Variants in EPHA1 observed in about 807,000 individuals in gnomAD.
EPHA1 encodes the protein ephrin type-A receptor 1.
In EPHA1, 92 loss-of-function variants were observed where a neutral mutation model predicts 110.1. The ratio of observed to expected loss-of-function variants is 0.84; its 90% CI spans 0.71 to 0.99. EPHA1 has a LOEUF of 0.99. Among genes scored for constraint, EPHA1 ranks in the 50% least tolerant of loss-of-function variants. The pLI, the probability that EPHA1 is intolerant of heterozygous loss-of-function variation, is 0.00. For synonymous variants in EPHA1, 500 were observed against 516.1 expected (o/e 0.97, Z 0.42); for missense variants, 1,204 against 1,285.4 (o/e 0.94, Z 0.97).
Position 143,395,706 on chromosome 7 carries a change from C to T in EPHA1, c.1898-202G>A. On this transcript the variant is annotated intron_variant, in intron 11 of 17. Coordinates refer to ENST00000275815, the MANE Select transcript of EPHA1 (RefSeq NM_005232.5). This position sits in a 1 kb window ranked among gnomAD's most constrained non-coding sequence, Gnocchi z 4.7. ...GGAGTGCAATGCCGTGACCTATTCA[C>T]CACTGTCTCCCAGTGTTTGCACAGT... 3 of 604,372 alleles carry T rather than the reference C, an allele frequency of 5.0e-6. No homozygotes were observed. The highest frequency in any genetic ancestry group is 5.9e-5 in the Admixed American group (2 of 33,730). The allele number at this position is 604,372 out of a possible 1,614,324, so 37.4% of individuals were successfully genotyped here. A position where few individuals can be genotyped will look rare whatever the true frequency, so the allele number is the denominator to read the frequency against.
intron 3 of EPHA1, chr7:143,400,799 G>A (rs181650031): frequency 9.7e-4 from 154 of 158,358 alleles, no homozygotes; most frequent in Non-Finnish European, 6.1e-4. Flanking sequence ...TTTATGACTA[G>A]GCAACAAAAG....
Position 143,391,527 on chromosome 7 carries a change from G to A in EPHA1, c.2861C>T (p.Thr954Met), listed in dbSNP as rs748538824. ...CVLELTAEDL[T>M]QMGITLPGHQ... is the part of the protein sequence containing the mutation. Reference sequence around the variant, plus strand: ...CCCGGGCAGTGTGATTCCCATCTGCGTCAGGTCCCTGTGGGCAAGGAAGGG... The same window carrying A: ...CCCGGGCAGTGTGATTCCCATCTGCATCAGGTCCCTGTGGGCAAGGAAGGG... Residue 954 changes from threonine to methionine, a missense_variant, in exon 18 of 18, where the codon ACG becomes ATG. Transcript: ENST00000275815. The A allele has an allele frequency of 6.2e-6, 10 of 1,614,018 alleles. No individual in the cohort carries two copies. Among genetic ancestry groups the A allele is most frequent in the Non-Finnish European group, 7.6e-6 (9 of 1,180,028 alleles).
At chr7:143,391,963 G>A (rs1805100019) in intron 16 of EPHA1, among the ~76,000 whole-genome samples, 188 bp from the exon 17 acceptor site, 1 of 152,206 alleles carries the variant, frequency 6.6e-6, no homozygotes, top group South Asian at 2.1e-4. Context: ...TCACAACAGT[G>A]GACTGGCTGA....
intron 5 of EPHA1, 42 bp downstream of exon 5, chr7:143,399,216 G>T: frequency 2.5e-6 from 4 of 1,588,948 alleles, no homozygotes; most frequent in Middle Eastern, 4.7e-4. Context: ...CAAAGATCCA[G>T]CCCCTCCCTC....
Position 143,394,077 on chromosome 7 carries a change from A to C in EPHA1, c.2502+117T>G, listed in dbSNP as rs1018360577. ...GAACCAGAGGAGCCAGGAGTACAGA[A>C]AAACTGAAGGTCATGAATAAATAAA... On this transcript the variant is annotated intron_variant, in intron 15 of 17. Coordinates refer to ENST00000275815, the MANE Select transcript of EPHA1 (RefSeq NM_005232.5). The C allele has an allele frequency of 2.8e-6, 4 of 1,418,346 alleles. No homozygotes were observed. In the African/African-American group the frequency reaches 5.7e-5, roughly 20 times the overall value. The allele number at this position is 1,418,346 out of a possible 1,614,324, so 87.9% of individuals were successfully genotyped here. A position where few individuals can be genotyped will look rare whatever the true frequency, so the allele number is the denominator to read the frequency against.
chr7:143,399,153 C>T, intron 5 of EPHA1, 105 bp downstream of exon 5: 1 of 1,447,148 alleles, frequency 6.9e-7, no homozygotes, highest in South Asian at 1.3e-5. Context: ...CACCCTGGAC[C>T]ATCTCCAATA....
In EPHA1 at chr7:143,395,465, G is replaced by A. The variant is rs748417082; in HGVS notation, c.1937C>T (p.Pro646Leu). The A allele has an allele frequency of 6.2e-7, 1 of 1,614,172 alleles. No individual in the cohort carries two copies. Among genetic ancestry groups the A allele is most frequent in the Non-Finnish European group, 8.5e-7 (1 of 1,180,044 alleles). ...GGCCACAGTCTTGCAGTCCTGGCTG[G>A]GGAGCCTCAGGGTCCCTCGATACAC... ...GEVYRGTLRL[P>L]SQDCKTVAIK... Residue 646 changes from proline to leucine, a missense_variant, in exon 12 of 18, where the codon CCC becomes CTC. By Grantham distance (98) the Pro-to-Leu change is moderately conservative. Transcript: ENST00000275815. This position sits in a 1 kb window ranked among gnomAD's most constrained non-coding sequence, Gnocchi z 4.7.
chr7:143,399,521 T>G, intron 4 of EPHA1, 108 bp from the exon 5 acceptor site: 1 of 1,550,462 alleles, frequency 6.4e-7, no homozygotes. Flanking sequence ...TCTCTGCATG[T>G]GTGTGTCCGC....
Position 143,395,463 on chromosome 7 carries a change from TG to T in EPHA1, c.1938del (p.Ser647AlafsTer12), listed in dbSNP as rs869132454. On this transcript the variant is annotated frameshift_variant, in exon 12 of 18. Coordinates refer to ENST00000275815, the MANE Select transcript of EPHA1 (RefSeq NM_005232.5). LOFTEE classifies it high-confidence loss of function. The surrounding 1 kb of genome is among the most constrained non-coding windows in gnomAD (Gnocchi z 4.7). ...GEVYRGTLRL[P>X]SQDCKTVAIK... Reference sequence around the variant, plus strand: ...ATGGCCACAGTCTTGCAGTCCTGGCTGGGGAGCCTCAGGGTCCCTCGATACA... The same window carrying T: ...ATGGCCACAGTCTTGCAGTCCTGGCTGGGAGCCTCAGGGTCCCTCGATACA... 1.2e-6 allele frequency: 2 copies of T among 1,614,202 alleles called. No individual in the cohort carries two copies. The highest frequency in any genetic ancestry group is 8.5e-7 in the Non-Finnish European group (1 of 1,180,036).
At position 143,397,350 on chromosome 7, in the gene EPHA1, C is replaced by T. The variant is rs756443190; in HGVS notation, c.1725G>A (p.Arg575=). Residue 575 remains arginine, a synonymous_variant, in exon 10 of 18, where the codon CGG becomes CGA. Transcript: ENST00000275815. ...ILVFRSRRAQ[R]QRQQRQRDRA... ...GGTCACGCTGCCTCTGCTGCCTCTG[C>T]CGCTGGGCTCTCCTGTGGGGGTTGG... 1 of 1,549,952 alleles carries T rather than the reference C, an allele frequency of 6.5e-7. No homozygotes were observed. Among genetic ancestry groups the T allele is most frequent in the East Asian group, 2.4e-5 (1 of 40,906 alleles).
rs117492751 is a variant in EPHA1 at position 143,406,845 on chromosome 7, C to T, written c.150+766G>A. Among the ~76,000 whole-genome samples the T allele has an allele frequency of 8.7e-3, 1,320 of 152,238 alleles. 7 individuals carry two copies. Among genetic ancestry groups the T allele is most frequent in the Non-Finnish European group, 0.013 (857 of 68,016 alleles). Reference sequence around the variant, plus strand: ...AAAAAACTGAGTTTGGTTTTTTGTACATCATAAGAGCTGCTCTCTGCATTT... The same window carrying T: ...AAAAAACTGAGTTTGGTTTTTTGTATATCATAAGAGCTGCTCTCTGCATTT... On this transcript the variant is annotated intron_variant, in intron 2 of 17. Transcript: ENST00000275815.
chr7:143,408,373 C>G (rs1240815354), intron 1 of EPHA1, among the ~76,000 whole-genome samples: 1 of 152,118 alleles, frequency 6.6e-6, no homozygotes, highest in African/African-American at 2.4e-5. Context: ...TCCAAGGGCT[C>G]AGATCTCTGG....
chr7:143,401,480 A>G lies in EPHA1; in HGVS notation c.276T>C (p.Ala92=), dbSNP rs779325522. Residue 92 remains alanine (A), a synonymous_variant, in exon 3 of 18, where the codon GCT becomes GCC. Transcript: ENST00000275815. The surrounding 1 kb of genome is among the most constrained non-coding windows in gnomAD (Gnocchi z 4.1). Reference sequence around the variant, plus strand: ...ACTGCAGCTCCACGTGGACGCGGGAAGCCTCCTCCCCGCGGTAGATCCAAT... The same window carrying G: ...ACTGCAGCTCCACGTGGACGCGGGAGGCCTCCTCCCCGCGGTAGATCCAAT... ...RSNWIYRGEE[A]SRVHVELQFT... The G allele has an allele frequency of 2.5e-6, 4 of 1,614,096 alleles. No individual in the cohort carries two copies. The Admixed American group carries it at 6.7e-5, about 27-fold the overall frequency.
intron 16 of EPHA1, among the ~76,000 whole-genome samples, chr7:143,392,957 A>AG (rs1805133393): frequency 6.6e-6 from 1 of 151,914 alleles, no homozygotes; most frequent in African/African-American, 2.4e-5. Flanking sequence ...GGAAAAAAAA[A>AG]CAACAACTCT....
At chr7:143,407,760 A>G in intron 1 of EPHA1, 82 bp from the exon 2 acceptor site, 2 of 1,263,904 alleles carry the variant, frequency 1.6e-6, no homozygotes, top group Middle Eastern at 2.0e-4. Flanking sequence ...CTGGGGCCTC[A>G]GCCCCAGGCT....
chr7:143,395,536 T>G lies in EPHA1; in HGVS notation c.1898-32A>C, dbSNP rs751355309. Reference sequence around the variant, plus strand: ...AGAAAGAAAACAGGCTGTGGCCCGATGCACTGCAGGGCTCCTCCAGGGGAC... The same window carrying G: ...AGAAAGAAAACAGGCTGTGGCCCGAGGCACTGCAGGGCTCCTCCAGGGGAC... On this transcript the variant is annotated intron_variant, in intron 11 of 17. Coordinates refer to ENST00000275815, the MANE Select transcript of EPHA1 (RefSeq NM_005232.5). The surrounding 1 kb of genome is among the most constrained non-coding windows in gnomAD (Gnocchi z 4.7). 2 of 1,608,592 alleles carry G rather than the reference T, an allele frequency of 1.2e-6. No homozygotes were observed. Among genetic ancestry groups the G allele is most frequent in the African/African-American group, 1.3e-5 (1 of 74,806 alleles).
At position 143,391,468 on chromosome 7, in the gene EPHA1, A is replaced by C; in HGVS notation, c.2920T>G (p.Phe974Val). Residue 974 changes from phenylalanine (F) to valine (V), a missense_variant, in exon 18 of 18, where the codon TTC becomes GTC. Phe to Val is a conservative substitution (Grantham distance 50). Transcript: ENST00000275815. ...QKRILCSIQG[F>V]KD ...GGTGAGAGGAGGGATCAGTCCTTGA[A>C]TCCCTGAATACTGCAAAGAATGCGC... 6.2e-7 allele frequency: 1 copy of C among 1,614,098 alleles called. No individual in the cohort carries two copies. The highest frequency in any genetic ancestry group is 8.5e-7 in the Non-Finnish European group (1 of 1,180,020).
At chr7:143,391,988 C>T (rs918939914) in intron 16 of EPHA1, among the ~76,000 whole-genome samples, 13 of 152,174 alleles carry the variant, frequency 8.5e-5, no homozygotes, top group Non-Finnish European at 1.3e-4. Context: ...CCTGCTATGT[C>T]GACAGGCCTA....
chr7:143,401,208 C>G lies in EPHA1; in HGVS notation c.432+116G>C. On this transcript the variant is annotated intron_variant, in intron 3 of 17. Coordinates refer to ENST00000275815, the MANE Select transcript of EPHA1 (RefSeq NM_005232.5). The surrounding 1 kb of genome is among the most constrained non-coding windows in gnomAD (Gnocchi z 4.1). ...ATGCCCAGCCTTCAAGCGCCAAATT[C>G]TTTTCAAGATTCTACCTCTGCACCC... is the stretch of plus-strand genomic sequence containing the variant. The G allele has an allele frequency of 7.2e-7, 1 of 1,392,240 alleles. No homozygotes were observed. The highest frequency in any genetic ancestry group is 9.7e-7 in the Non-Finnish European group (1 of 1,033,052). 86.2% of individuals were successfully genotyped at this position (1,392,240 alleles called of 1,614,324 possible). A position where few individuals can be genotyped will look rare whatever the true frequency, so the allele number is the denominator to read the frequency against.
Sources: gnomAD v4.1 joint callset for allele counts (sites outside exome capture counted in the v4.1 genomes callset) on GRCh38, gnomAD v4.1.1 for gene constraint, Gnocchi (gnomAD v3.1) non-coding constraint, MANE v1.5 for transcripts, NCBI Gene and HGNC (gene_info 2026-07-23, HGNC 2026-07-21) for gene names.